The following CFHR1 variants were observed in gnomAD, a reference collection of about 807,000 sequenced individuals.
The protein encoded by CFHR1 is complement factor H related 1.
CFHR1 carries 22 observed loss-of-function variants against 30.4 expected under a neutral mutation model. That is an observed-to-expected ratio of 0.72 (90% confidence interval 0.52 to 1.03). The LOEUF is 1.03. Among genes scored for constraint, CFHR1 ranks in the 50% least tolerant of loss-of-function variants. The pLI, the probability that CFHR1 is intolerant of heterozygous loss-of-function variation, is 0.00. For synonymous variants in CFHR1, 95 were observed against 129.1 expected (o/e 0.74, Z 1.79); for missense variants, 248 against 380.6 (o/e 0.65, Z 2.90).
In CFHR1 at chr1:196,826,836, T is replaced by C. The variant is rs1655343132; in HGVS notation, c.261T>C (p.Cys87=). 3 of 1,524,320 alleles carry C rather than the reference T, an allele frequency of 2.0e-6. 1 individual carries two copies. The South Asian group carries it at 3.7e-5, about 19-fold the overall frequency. 94.4% of individuals were successfully genotyped at this position (1,524,320 alleles called of 1,614,324 possible). ...TCCGTTTTTGGTCCTTAGGACTGTG[T>C]TTCTTTCCTTTTGTGGAAAATGGTC... The part of the protein sequence containing the change: ...WSPTPKCLRL[C]FFPFVENGHS... Residue 87 remains cysteine, a synonymous_variant, in exon 3 of 6, where the codon TGT becomes TGC. Transcript: ENST00000320493.
chr1:196,825,756 T>C lies in CFHR1; in HGVS notation c.253+85T>C, dbSNP rs1293688402. Reference sequence around the variant, plus strand: ...AGACAAGATCATAAGGTCTTGATAATCACAGGGACAGTGACCAAAGAAGCT... The same window carrying C: ...AGACAAGATCATAAGGTCTTGATAACCACAGGGACAGTGACCAAAGAAGCT... On this transcript the variant is annotated intron_variant, in intron 2 of 5. Coordinates refer to ENST00000320493, the MANE Select transcript of CFHR1 (RefSeq NM_002113.3). The C allele has an allele frequency of 6.8e-6, 9 of 1,315,264 alleles. 2 individuals carry two copies. The highest frequency in any genetic ancestry group is 3.8e-5 in the African/African-American group (2 of 52,446). 81.5% of individuals were successfully genotyped at this position (1,315,264 alleles called of 1,614,324 possible). A position where few individuals can be genotyped will look rare whatever the true frequency, so the allele number is the denominator to read the frequency against.
At chr1:196,831,711 C>T in intron 5 of CFHR1, 86 bp from the exon 6 acceptor site, 1 of 1,363,564 alleles carries the variant, frequency 7.3e-7, no homozygotes, top group South Asian at 1.4e-5. Flanking sequence ...CCTGAACCAT[C>T]ATATAACATT....
intron 5 of CFHR1, 98 bp downstream of exon 5, chr1:196,830,780 T>C: frequency 7.1e-7 from 1 of 1,405,874 alleles, no homozygotes; most frequent in Admixed American, 1.7e-5. Context: ...TGAACAACCA[T>C]TCTGCTGAAT....
At chr1:196,828,871 A>G (rs1479353575) in intron 4 of CFHR1, among the ~76,000 whole-genome samples, 1 of 129,098 alleles carries the variant, frequency 7.7e-6, no homozygotes, top group Non-Finnish European at 1.6e-5. Flanking sequence ...TAGACAGCAT[A>G]TAGTTGGGTC....
chr1:196,824,320 T>C (rs1181695543), intron 1 of CFHR1, among the ~76,000 whole-genome samples: 1 of 133,892 alleles, frequency 7.5e-6, no homozygotes, highest in East Asian at 2.0e-4. Context: ...TTTAGTGGCA[T>C]GATCTCCGCT....
Position 196,826,204 on chromosome 1 carries a change from C to CA in CFHR1, c.253+536dup, listed in dbSNP as rs1358610612. ...ATTGGGAGACAGATACATGAGGCAA[C>CA]AAAGGAGATAGCAATGATCTTTCTC... On this transcript the variant is annotated intron_variant, in intron 2 of 5. Coordinates refer to ENST00000320493, the MANE Select transcript of CFHR1 (RefSeq NM_002113.3). 3.0e-5 allele frequency among the ~76,000 whole-genome samples: 4 copies of CA among 133,928 alleles called. 1 individual carries two copies. Among genetic ancestry groups the CA allele is most frequent in the African/African-American group, 9.6e-5 (3 of 31,210 alleles). 87.9% of individuals were successfully genotyped at this position (133,928 alleles called of 152,430 possible). A position where few individuals can be genotyped will look rare whatever the true frequency, so the allele number is the denominator to read the frequency against.
rs763108542 is a variant in CFHR1 at position 196,828,064 on chromosome 1, A to G, written c.431-6A>G. On this transcript the variant is annotated splice_polypyrimidine_tract_variant and splice_region_variant and intron_variant, in intron 3 of 5. Transcript: ENST00000320493. ...AGGTGGAACCACTTCTTTTTTTTCT[A>G]CTCAGACACTTCCTGTGTGAATCCG... The G allele has an allele frequency of 6.0e-6, 9 of 1,496,436 alleles. 2 individuals are homozygous for G. In the East Asian group the frequency reaches 1.8e-4, roughly 30 times the overall value. 92.7% of individuals were successfully genotyped at this position (1,496,436 alleles called of 1,614,324 possible).
chr1:196,829,860 A>T (rs1655475041), intron 4 of CFHR1, among the ~76,000 whole-genome samples: 1 of 134,584 alleles, frequency 7.4e-6, no homozygotes, highest in South Asian at 2.5e-4. Flanking sequence ...GTTTTCAGGT[A>T]TCCTTTTATT....
At chr1:196,830,283 T>A (rs181940266) in intron 4 of CFHR1, among the ~76,000 whole-genome samples, 2 of 135,500 alleles carry the variant, frequency 1.5e-5, no homozygotes, top group African/African-American at 6.3e-5. Flanking sequence ...CAGCAATATT[T>A]GTTAATGTTT....
At chr1:196,829,309 C>A (rs1401739697) in intron 4 of CFHR1, among the ~76,000 whole-genome samples, 2 of 134,658 alleles carry the variant, frequency 1.5e-5, no homozygotes, top group Admixed American at 1.4e-4. Flanking sequence ...CATTGAGCAC[C>A]ATATTAAACT....
In CFHR1 at chr1:196,825,602, C is replaced by T. The variant is rs1655292982; in HGVS notation, c.184C>T (p.Pro62Ser). ...CTCCTGTGAATATAATTTTGTGTCTCCTTCAAAATCATTTTGGACTCGCAT... is the reference window on the plus strand; with the variant it reads ...CTCCTGTGAATATAATTTTGTGTCTTCTTCAAAATCATTTTGGACTCGCAT... ...YYSCEYNFVS[P>S]SKSFWTRITC... The change falls in exon 2 of 6, where the codon CCT (proline) becomes TCT (serine). Residue 62 changes from proline (P) to serine (S), a missense_variant. By Grantham distance (74) the Pro-to-Ser change is moderately conservative (BLOSUM62 -1). Coordinates refer to ENST00000320493, the MANE Select transcript of CFHR1 (RefSeq NM_002113.3). 2 of 1,524,850 alleles carry T rather than the reference C, an allele frequency of 1.3e-6. 1 individual carries two copies. Among genetic ancestry groups the T allele is most frequent in the South Asian group, 2.5e-5 (2 of 80,228 alleles). 94.5% of individuals were successfully genotyped at this position (1,524,850 alleles called of 1,614,324 possible). A position where few individuals can be genotyped will look rare whatever the true frequency, so the allele number is the denominator to read the frequency against.
chr1:196,822,209 A>T (rs1398220365), intron 1 of CFHR1, among the ~76,000 whole-genome samples: 1 of 110,904 alleles, frequency 9.0e-6, no homozygotes, highest in Non-Finnish European at 1.8e-5. Flanking sequence ...GGCTAAACTA[A>T]TTTATTTTAT....
chr1:196,820,987 G>A (rs1655099339), intron 1 of CFHR1: 1 of 133,854 alleles, frequency 7.5e-6, no homozygotes, highest in African/African-American at 3.5e-5. Flanking sequence ...TTACAGGCAT[G>A]CACCACGACG....
rs1655496034 is a variant in CFHR1, at chr1:196,830,368, G to A, written c.608-132G>A. ...TTTAAAGGATTAAAATTTCTTCCAG[G>A]ACTCATTTCTTTTACCAGAAATCAC... On this transcript the variant is annotated intron_variant, in intron 4 of 5. Coordinates refer to ENST00000320493, the MANE Select transcript of CFHR1 (RefSeq NM_002113.3). 1.4e-5 allele frequency: 14 copies of A among 1,012,896 alleles called. 2 individuals carry two copies. The highest frequency in any genetic ancestry group is 2.5e-5 in the East Asian group (1 of 40,492). 62.7% of individuals were successfully genotyped at this position (1,012,896 alleles called of 1,614,324 possible). A position where few individuals can be genotyped will look rare whatever the true frequency, so the allele number is the denominator to read the frequency against.
rs191785894 is a variant in CFHR1, at chr1:196,824,295, G to A, written c.59-1182G>A. On this transcript the variant is annotated intron_variant, in intron 1 of 5. Coordinates refer to ENST00000320493, the MANE Select transcript of CFHR1 (RefSeq NM_002113.3). ...TTTTGAGGTGGAGTCTTGCTCTGTC[G>A]CCCCCAGGCTCGAGTTTAGTGGCAT... Among the ~76,000 whole-genome samples, 168 of 131,888 alleles carry A rather than the reference G, an allele frequency of 1.3e-3. 24 individuals carry two copies. Among genetic ancestry groups the A allele is most frequent in the Non-Finnish European group, 2.1e-3 (134 of 63,474 alleles). 86.5% of individuals were successfully genotyped at this position (131,888 alleles called of 152,430 possible). A position where few individuals can be genotyped will look rare whatever the true frequency, so the allele number is the denominator to read the frequency against.
intron 1 of CFHR1, among the ~76,000 whole-genome samples, chr1:196,822,981 G>A (rs929690305): frequency 7.5e-6 from 1 of 133,288 alleles, no homozygotes; most frequent in African/African-American, 3.2e-5. Flanking sequence ...GCTATTAGGT[G>A]ATAGGAATTT....
intron 1 of CFHR1, among the ~76,000 whole-genome samples, chr1:196,822,341 T>C (rs193097462): frequency 0.018 from 2,420 of 131,872 alleles, 654 homozygotes; most frequent in African/African-American, 0.073. Context: ...TTTTAAACTT[T>C]TCTTCGATAA....
In CFHR1 at chr1:196,820,672, A is replaced by G. The variant is rs1655086723; in HGVS notation, c.58+770A>G. On this transcript the variant is annotated intron_variant, in intron 1 of 5. Coordinates refer to ENST00000320493, the MANE Select transcript of CFHR1 (RefSeq NM_002113.3). ...TTATGCTTTACCCTTTGATTTCCAA[A>G]AAGTTTTTACTTTACTGTTTGGCTG... 2.4e-5 allele frequency among the ~76,000 whole-genome samples: 3 copies of G among 122,900 alleles called. No homozygotes were observed. The Admixed American group carries it at 2.5e-4, about 10-fold the overall frequency. 80.6% of individuals were successfully genotyped at this position (122,900 alleles called of 152,430 possible).
intron 5 of CFHR1, among the ~76,000 whole-genome samples, chr1:196,830,923 T>TC (rs1655531097): frequency 7.5e-6 from 1 of 133,744 alleles, no homozygotes; most frequent in African/African-American, 3.2e-5. Flanking sequence ...GTCAGGAGAT[T>TC]GAGACCATCC....
Sources: gnomAD v4.1 joint callset for allele counts (sites outside exome capture counted in the v4.1 genomes callset) on GRCh38, gnomAD v4.1.1 for gene constraint, MANE v1.5 for transcripts, NCBI Gene and HGNC (gene_info 2026-07-23, HGNC 2026-07-21) for gene names.